Variants in TENM2 observed in about 807,000 individuals in gnomAD.
TENM2 encodes teneurin-2.
A neutral mutation model predicts 245.2 loss-of-function variants in TENM2; 52 were observed. The ratio of observed to expected loss-of-function variants is 0.21; its 90% confidence interval spans 0.17 to 0.27. The LOEUF (loss-of-function observed/expected upper bound fraction) is 0.27, where lower values mean the gene tolerates loss of function less well. Among genes scored for constraint, TENM2 ranks in the 10% least tolerant of loss-of-function variants. The pLI is 1.00. For synonymous variants in TENM2, 1,363 were observed against 1,438.9 expected (o/e 0.95, Z 1.19); for missense variants, 3,046 against 3,666.8 (o/e 0.83, Z 4.37).
At chr5:167,219,741 A>T in the TENM2 span, among the ~76,000 whole-genome samples, 1 of 152,358 alleles carries the variant, frequency 6.6e-6, no homozygotes, top group African/African-American at 2.4e-5. Context: ...TATAAAACTA[A>T]TGCTATGAAA....
chr5:167,227,076 T>TTA, the TENM2 span, among the ~76,000 whole-genome samples: 1 of 103,194 alleles, frequency 9.7e-6, no homozygotes, highest in African/African-American at 4.8e-5. Flanking sequence ...CTCTTTACTG[T>TTA]GAGTGCATTT....
At chr5:167,342,059 G>T (rs1210701250) in intron 1 of TENM2, among the ~76,000 whole-genome samples, 1 of 152,098 alleles carries the variant, frequency 6.6e-6, no homozygotes, top group African/African-American at 2.4e-5. Context: ...CAATTGTCCA[G>T]GTTGCTAACA....
the TENM2 span, among the ~76,000 whole-genome samples, chr5:167,232,142 G>A: frequency 1.3e-5 from 2 of 152,178 alleles, no homozygotes; most frequent in African/African-American, 2.4e-5. Context: ...GAGCACTCAT[G>A]GAGAACCTTT....
chr5:167,646,111 CAT>C (rs1287370756), intron 2 of TENM2, among the ~76,000 whole-genome samples: 26 of 146,334 alleles, frequency 1.8e-4, no homozygotes, highest in African/African-American at 5.8e-4. Flanking sequence ...TACACACACA[CAT>C]ATATATGTGC....
At chr5:167,370,336 C>A (rs1484327321) in intron 1 of TENM2, among the ~76,000 whole-genome samples, 1 of 117,638 alleles carries the variant, frequency 8.5e-6, no homozygotes, top group East Asian at 2.4e-4. Flanking sequence ...AGTGAGACTC[C>A]GTCTCAAAAA....
chr5:168,083,807 A>C (rs1388894606), intron 7 of TENM2, among the ~76,000 whole-genome samples: 1 of 152,120 alleles, frequency 6.6e-6, no homozygotes, highest in Admixed American at 6.6e-5. Flanking sequence ...GGTATGTTGC[A>C]TGATGCTAAG....
At chr5:167,495,209 A>G (rs992757403) in intron 2 of TENM2, among the ~76,000 whole-genome samples, 1 of 148,760 alleles carries the variant, frequency 6.7e-6, no homozygotes, top group Admixed American at 6.9e-5. Flanking sequence ...AAAGTAATGT[A>G]AAGTTCCTTT....
intron 4 of TENM2, among the ~76,000 whole-genome samples, chr5:167,963,985 G>A (rs934432591): frequency 2.0e-5 from 3 of 152,106 alleles, no homozygotes; most frequent in African/African-American, 7.3e-5. Flanking sequence ...ATAATCCAAC[G>A]AAAATCAAAC....
At chr5:167,386,292 T>G (rs1761429421) in intron 2 of TENM2, among the ~76,000 whole-genome samples, 1 of 152,184 alleles carries the variant, frequency 6.6e-6, no homozygotes, top group African/African-American at 2.4e-5. Flanking sequence ...TTTCATATGT[T>G]TGTTGGCCAT....
intron 13 of TENM2, among the ~76,000 whole-genome samples, chr5:168,163,248 G>T (rs1315220374): frequency 1.3e-5 from 2 of 152,162 alleles, no homozygotes; most frequent in South Asian, 2.1e-4. Context: ...TAGTAAAATT[G>T]AGACCCAAAC....
chr5:167,605,957 G>T (rs1463538946), intron 2 of TENM2, among the ~76,000 whole-genome samples: 1 of 152,094 alleles, frequency 6.6e-6, no homozygotes, highest in Non-Finnish European at 1.5e-5. Flanking sequence ...CTTCCTTAGG[G>T]GGCTTCTCAT....
chr5:167,128,733 GC>G, the TENM2 span, among the ~76,000 whole-genome samples: 1 of 152,078 alleles, frequency 6.6e-6, no homozygotes, highest in Non-Finnish European at 1.5e-5. Context: ...TAATCACCTG[GC>G]ATTGTAATTG....
chr5:167,255,875 A>G, the TENM2 span, among the ~76,000 whole-genome samples: 1 of 152,082 alleles, frequency 6.6e-6, no homozygotes, highest in African/African-American at 2.4e-5. Context: ...TTCATCAGAT[A>G]TGTGGTGATG....
At chr5:168,031,808 AGAGG>A (rs1299144017) in intron 5 of TENM2, among the ~76,000 whole-genome samples, 1 of 148,668 alleles carries the variant, frequency 6.7e-6, no homozygotes, top group Non-Finnish European at 1.5e-5. Flanking sequence ...AGGGAGGGAG[AGAGG>A]GAGGAAGGGA....
chr5:166,990,775 T>G, the TENM2 span, among the ~76,000 whole-genome samples: 1 of 152,346 alleles, frequency 6.6e-6, no homozygotes, highest in Non-Finnish European at 1.5e-5. Context: ...TTAAATAGTT[T>G]ACTTTCTATT....
chr5:167,394,234 T>A (rs922271906), intron 2 of TENM2, among the ~76,000 whole-genome samples: 1 of 152,208 alleles, frequency 6.6e-6, no homozygotes, highest in Non-Finnish European at 1.5e-5. Flanking sequence ...CAATTTTTTT[T>A]AGGAGATTCA....
At chr5:167,703,463 C>T (rs1014830131) in intron 2 of TENM2, among the ~76,000 whole-genome samples, 3 of 142,146 alleles carry the variant, frequency 2.1e-5, no homozygotes, top group Non-Finnish European at 3.0e-5. Flanking sequence ...ACCCAGGAGG[C>T]GGAGGTTGCA....
At chr5:167,673,821 T>C (rs1164024111) in intron 2 of TENM2, among the ~76,000 whole-genome samples, 1 of 152,076 alleles carries the variant, frequency 6.6e-6, no homozygotes, top group Non-Finnish European at 1.5e-5. Flanking sequence ...CCTGTCTATT[T>C]GAACCCTGCA....
chr5:167,804,818 T>C (rs1444831776), intron 2 of TENM2, among the ~76,000 whole-genome samples: 1 of 152,026 alleles, frequency 6.6e-6, no homozygotes, highest in Non-Finnish European at 1.5e-5. Context: ...AAGTTGAAAA[T>C]ACATGGCCCT....
Sources: allele counts gnomAD v4.1 joint callset (sites outside exome capture counted in the v4.1 genomes callset), GRCh38; gene constraint gnomAD v4.1.1; transcripts MANE v1.5; gene names NCBI Gene and HGNC (gene_info 2026-07-23, HGNC 2026-07-21).